Variants in ANAPC15 observed in about 807,000 individuals in gnomAD.
The protein encoded by ANAPC15 is anaphase promoting complex subunit 15, also known as anaphase-promoting complex subunit 15.
In ANAPC15, 13 loss-of-function variants were observed where a neutral mutation model predicts 19.8. The observed-to-expected ratio is 0.66, with a 90% CI of 0.43 to 1.04. The LOEUF (loss-of-function observed/expected upper bound fraction) is 1.04, where lower values mean the gene tolerates loss of function less well. Ranked by LOEUF, ANAPC15 falls within the 50% of genes least tolerant of loss-of-function variation. The pLI is 0.00. For synonymous variants in ANAPC15, 45 were observed against 50.7 expected, an observed-to-expected ratio of 0.89 and a Z score of 0.47; for missense variants, 88 against 150.3, an observed-to-expected ratio of 0.59 and a Z score of 2.17.
At chr11:72,108,943 A>T, downstream of ANAPC15, 1 of 1,491,950 alleles carries the variant, frequency 6.7e-7, no homozygotes, top group South Asian at 1.3e-5. Flanking sequence ...GCCCAGGGGT[A>T]CTTACTGATG....
chr11:72,111,262 G>C lies in ANAPC15; in HGVS notation c.15C>G (p.Phe5Leu). Residue 5 changes from phenylalanine to leucine, a missense_variant, in exon 3 of 6, where the codon TTC becomes TTG. Transcript: ENST00000227618. MSTL[F>L]PSLFPRVTET... The stretch of plus-strand genomic sequence containing the variant: ...CAGTCACACGAGGGAAGAGTGAGGG[G>C]AACAAAGTGGACATGGCTCCTAGAC... 6.2e-7 allele frequency: 1 copy of C among 1,613,358 alleles called. No individual in the cohort carries two copies. The highest frequency in any genetic ancestry group is 8.5e-7 in the Non-Finnish European group (1 of 1,179,266).
downstream of ANAPC15, chr11:72,107,381 T>C (rs1472790796): frequency 5.9e-6 from 4 of 680,900 alleles, no homozygotes; most frequent in Admixed American, 2.1e-5. Flanking sequence ...ATCTGAAAGA[T>C]AGGGTGGTTG....
rs371950563 is a variant in ANAPC15 at position 72,109,960 on chromosome 11, G to C, written c.319-32C>G. The C allele has an allele frequency of 7.4e-6, 12 of 1,613,804 alleles. No homozygotes were observed. The African/African-American group carries it at 1.3e-4, about 18-fold the overall frequency. ...AGGAGGCTGGGTGTGGGTGGGGAGGGGCCTCAGCCAGCCTCAGCCCCAGAT... is the reference window on the plus strand; with the variant it reads ...AGGAGGCTGGGTGTGGGTGGGGAGGCGCCTCAGCCAGCCTCAGCCCCAGAT... On this transcript the variant is annotated intron_variant, in intron 5 of 5. Transcript: ENST00000227618.
At chr11:72,112,611 G>C (rs1385609132) in intron 1 of ANAPC15, 39 bp downstream of exon 1, 1 of 452,516 alleles carries the variant, frequency 2.2e-6, no homozygotes, top group South Asian at 1.6e-5. Context: ...AAGGAATGAA[G>C]GGGCAAGGAG....
At chr11:72,112,733 C>T (rs552202565), upstream of ANAPC15, 1 of 456,694 alleles carries the variant, frequency 2.2e-6, no homozygotes, top group South Asian at 1.5e-5. Context: ...CCGGGACTCA[C>T]CAAACGCATG....
intron 1 of ANAPC15, chr11:72,111,994 C>T (rs971055349): frequency 3.3e-5 from 5 of 152,820 alleles, no homozygotes; most frequent in Non-Finnish European, 5.9e-5. Flanking sequence ...CTGAATTAAA[C>T]TTAGGACAGG....
downstream of ANAPC15, chr11:72,108,751 G>A: frequency 1.3e-6 from 2 of 1,550,362 alleles, no homozygotes; most frequent in Admixed American, 3.9e-5. Context: ...ATGCCCTACT[G>A]CCAGCAGGTG....
At chr11:72,108,538 C>G, downstream of ANAPC15, 1 of 1,376,588 alleles carries the variant, frequency 7.3e-7, no homozygotes, top group South Asian at 1.6e-5. Flanking sequence ...AAGCCAGATC[C>G]TGGTGGGGTC....
rs1484033152 is a variant in ANAPC15 at position 72,111,432 on chromosome 11, C to T, written c.-31G>A. 1 of 629,734 alleles carries T rather than the reference C, an allele frequency of 1.6e-6. No homozygotes were observed. Among genetic ancestry groups the T allele is most frequent in the Non-Finnish European group, 2.8e-6 (1 of 351,192 alleles). The allele number at this position is 629,734 out of a possible 1,614,324, so 39.0% of individuals were successfully genotyped here. On this transcript the variant is annotated 5_prime_UTR_variant, in exon 2 of 6. Transcript: ENST00000227618. The stretch of plus-strand genomic sequence containing the variant: ...CAGACCTGGCTTTGAGTCCTGGCTC[C>T]ACCACTTACTAGCTGTTTGACCTTG...
At chr11:72,112,618 G>A in intron 1 of ANAPC15, 32 bp downstream of exon 1, 1 of 454,450 alleles carries the variant, frequency 2.2e-6, no homozygotes, top group Non-Finnish European at 4.4e-6. Flanking sequence ...GAAGGGGCAA[G>A]GAGACGGTTG....
downstream of ANAPC15, chr11:72,106,633 T>G (rs1219797963): frequency 6.4e-6 from 1 of 156,316 alleles, no homozygotes; most frequent in Non-Finnish European, 1.4e-5. Flanking sequence ...CCAGCATAAG[T>G]GCTTTTAGGG....
In ANAPC15 at chr11:72,110,181, ATCC is replaced by A; in HGVS notation, c.222_224del (p.Glu74del). 3 of 1,613,920 alleles carry A rather than the reference ATCC, an allele frequency of 1.9e-6. No individual in the cohort carries two copies. The highest frequency in any genetic ancestry group is 1.7e-6 in the Non-Finnish European group (2 of 1,179,936). On this transcript the variant is annotated inframe_deletion, in exon 5 of 6. Transcript: ENST00000227618. ...CATCATCCTCTGAGTCCTCTTCACT[ATCC>A]TCATCATCTTCATCATCCTCTTCTT...
At chr11:72,107,040 AG>A, downstream of ANAPC15, 1 of 185,178 alleles carries the variant, frequency 5.4e-6, no homozygotes, top group South Asian at 1.4e-4. Flanking sequence ...CCAAAGCAGG[AG>A]GATCACTTGA....
At chr11:72,109,319 T>TC, downstream of ANAPC15, 1 of 468,028 alleles carries the variant, frequency 2.1e-6, no homozygotes, top group Non-Finnish European at 4.2e-6. Context: ...TCAGAAAGCC[T>TC]CCCATCCTCA....
In ANAPC15 at chr11:72,112,660, G is replaced by C. The variant is rs1455261641; in HGVS notation, c.-106C>G. ...TGCGTCTGTACTTACCGCGCCGGGA[G>C]GCTGCTGCCGGCGGCGACCCGGAAG... is the stretch of plus-strand genomic sequence containing the variant. On this transcript the variant is annotated 5_prime_UTR_variant, in exon 1 of 6. Transcript: ENST00000227618. 2.2e-6 allele frequency: 1 copy of C among 456,704 alleles called. No individual in the cohort carries two copies. Among genetic ancestry groups the C allele is most frequent in the South Asian group, 1.5e-5 (1 of 64,560 alleles). The allele number at this position is 456,704 out of a possible 1,614,324, so 28.3% of individuals were successfully genotyped here. A position where few individuals can be genotyped will look rare whatever the true frequency, so the allele number is the denominator to read the frequency against.
chr11:72,108,103 G>A, downstream of ANAPC15: 1 of 1,521,274 alleles, frequency 6.6e-7, no homozygotes, highest in South Asian at 1.3e-5. Flanking sequence ...CGCCTGGCCG[G>A]CTTTGATGAG....
At position 72,110,109 on chromosome 11, in the gene ANAPC15, C is replaced by T. The variant is rs145107371; in HGVS notation, c.297G>A (p.Pro99=). ...MDEMNDYNES[P]DDGEVNEVDM... ...CTACCTCATTGACCTCTCCATCATC[C>T]GGTGACTCATTGTAGTCATTCATCT... Residue 99 remains proline, a synonymous_variant, in exon 5 of 6, where the codon CCG becomes CCA. Transcript: ENST00000227618. The T allele has an allele frequency of 1.4e-5, 22 of 1,614,070 alleles. No homozygotes were observed. Among genetic ancestry groups the T allele is most frequent in the African/African-American group, 2.7e-5 (2 of 74,918 alleles).
downstream of ANAPC15, chr11:72,108,928 T>C: frequency 6.6e-7 from 1 of 1,520,866 alleles, no homozygotes; most frequent in Non-Finnish European, 8.9e-7. Context: ...CAGGCTGAGG[T>C]CCAGGCCCAG....
chr11:72,107,453 T>C, downstream of ANAPC15: 1 of 702,932 alleles, frequency 1.4e-6, no homozygotes, highest in East Asian at 2.7e-5. Context: ...AGTTCTGAGT[T>C]GGCCAGGCAG....
Sources: allele counts gnomAD v4.1 joint callset, GRCh38; gene constraint gnomAD v4.1.1; transcripts MANE v1.5; gene names NCBI Gene and HGNC (gene_info 2026-07-23, HGNC 2026-07-21).